Variants in TNFAIP8 observed in about 807,000 individuals in gnomAD.
TNFAIP8 encodes TNF alpha induced protein 8, also known as tumor necrosis factor alpha-induced protein 8.
In TNFAIP8, 7 loss-of-function variants were observed where a neutral mutation model predicts 13.3. The ratio of observed to expected loss-of-function variants is 0.52; its 90% CI spans 0.30 to 0.99. The LOEUF is 0.99. Ranked by LOEUF, TNFAIP8 falls within the 50% of genes least tolerant of loss-of-function variation. TNFAIP8 has a pLI of 0.07. For synonymous variants in TNFAIP8, 94 were observed against 87.6 expected (o/e 1.07, Z -0.41); for missense variants, 258 against 236.9 (o/e 1.09, Z -0.58).
At chr5:119,328,846 A>G (rs1469321969) in intron 1 of TNFAIP8, among the ~76,000 whole-genome samples, 1 of 152,236 alleles carries the variant, frequency 6.6e-6, no homozygotes, top group African/African-American at 2.4e-5. Flanking sequence ...TCAGTTTTAC[A>G]TGAGGTTTTG....
chr5:119,376,467 T>A (rs1032348315), intron 1 of TNFAIP8, among the ~76,000 whole-genome samples: 9 of 152,214 alleles, frequency 5.9e-5, no homozygotes, highest in African/African-American at 2.2e-4. Context: ...TTATTTCATA[T>A]GTAAGAGTAT....
chr5:119,386,086 C>G (rs1055043804), intron 1 of TNFAIP8, among the ~76,000 whole-genome samples: 2 of 151,920 alleles, frequency 1.3e-5, no homozygotes, highest in Admixed American at 6.6e-5. Flanking sequence ...AAATAAGTTG[C>G]CACAGAAAAA....
At chr5:119,327,912 C>G (rs1256984224) in intron 1 of TNFAIP8, among the ~76,000 whole-genome samples, 1 of 152,096 alleles carries the variant, frequency 6.6e-6, no homozygotes. Flanking sequence ...ATGTCCAACT[C>G]TAAGCTGTTA....
At chr5:119,369,420 A>G (rs1358436750) in intron 1 of TNFAIP8, among the ~76,000 whole-genome samples, 1 of 152,184 alleles carries the variant, frequency 6.6e-6, no homozygotes. Context: ...TGTAGTGCTC[A>G]AGACTCTTGG....
At chr5:119,328,784 T>C (rs1394505418) in intron 1 of TNFAIP8, among the ~76,000 whole-genome samples, 1 of 152,240 alleles carries the variant, frequency 6.6e-6, no homozygotes, top group Non-Finnish European at 1.5e-5. Context: ...ATAGTTTTTC[T>C]TGGCAAATTG....
At chr5:119,325,640 G>A (rs1007945660) in intron 1 of TNFAIP8, among the ~76,000 whole-genome samples, 1 of 152,128 alleles carries the variant, frequency 6.6e-6, no homozygotes, top group African/African-American at 2.4e-5. Context: ...AGTAGAGATG[G>A]GGTTTCACCA....
chr5:119,394,210 AAAGT>A lies in TNFAIP8; in HGVS notation c.*835_*838del, dbSNP rs1343830639. The A allele has an allele frequency of 5.9e-5, 9 of 152,076 alleles. No homozygotes were observed. The highest frequency in any genetic ancestry group is 9.7e-5 in the African/African-American group (4 of 41,296). 9.4% of individuals were successfully genotyped at this position (152,076 alleles called of 1,614,324 possible). On this transcript the variant is annotated 3_prime_UTR_variant, in exon 2 of 2. Coordinates refer to ENST00000504771, the MANE Select transcript of TNFAIP8 (RefSeq NM_014350.4). ...ATTGGTCTTGATATTGAGATAATAA[AAAGT>A]AAGTAGCATTAAGAAAGGTAACAAT... is the stretch of plus-strand genomic sequence containing the variant.
chr5:119,313,049 A>G (rs1749782419), intron 1 of TNFAIP8, among the ~76,000 whole-genome samples: 1 of 152,230 alleles, frequency 6.6e-6, no homozygotes, highest in Non-Finnish European at 1.5e-5. Flanking sequence ...GTTAAATTAT[A>G]TTAAAAGAAC....
intron 1 of TNFAIP8, among the ~76,000 whole-genome samples, chr5:119,318,856 A>G (rs1749974899): frequency 6.6e-6 from 1 of 152,154 alleles, no homozygotes; most frequent in African/African-American, 2.4e-5. Context: ...TTAGCCTATT[A>G]TAGGGTTATT....
chr5:119,322,502 C>T (rs1167460014), intron 1 of TNFAIP8, among the ~76,000 whole-genome samples: 1 of 152,180 alleles, frequency 6.6e-6, no homozygotes, highest in Non-Finnish European at 1.5e-5. Context: ...AATACACAGG[C>T]GTGGAGAAGT....
At position 119,378,299 on chromosome 5, in the gene TNFAIP8, G is replaced by A. The variant is rs183152639; in HGVS notation, c.32-14517G>A. On this transcript the variant is annotated intron_variant, in intron 1 of 1. Transcript: ENST00000504771. The stretch of plus-strand genomic sequence containing the variant: ...TGCTGTGCTGGTGGTGAGCAATACT[G>A]CTTCTATAGAACTCTGGGTTTTTTT... Among the ~76,000 whole-genome samples, 311 of 152,282 alleles carry A rather than the reference G, an allele frequency of 2.0e-3. 1 individual carries two copies. Among genetic ancestry groups the A allele is most frequent in the Middle Eastern group, 0.01 (3 of 294 alleles).
intron 1 of TNFAIP8, among the ~76,000 whole-genome samples, chr5:119,292,657 T>C (rs1332553683): frequency 1.0e-3 from 28 of 28,058 alleles, no homozygotes; most frequent in African/African-American, 3.7e-3. Context: ...TATATATATA[T>C]ATATATATAT....
chr5:119,392,414 A>G (rs1172603234), intron 1 of TNFAIP8, among the ~76,000 whole-genome samples: 2 of 151,860 alleles, frequency 1.3e-5, no homozygotes, highest in Non-Finnish European at 2.9e-5. Flanking sequence ...GTTTTGAGAC[A>G]GAGTCTCGCT....
chr5:119,376,562 A>ACCCCC (rs57215520), intron 1 of TNFAIP8, among the ~76,000 whole-genome samples: 1 of 129,274 alleles, frequency 7.7e-6, no homozygotes, highest in Non-Finnish European at 1.6e-5. Flanking sequence ...TTGTCTTCCC[A>ACCCCC]CCCCCCCCGT....
chr5:119,282,645 A>G (rs1748666410), intron 1 of TNFAIP8, among the ~76,000 whole-genome samples: 1 of 151,976 alleles, frequency 6.6e-6, no homozygotes, highest in African/African-American at 2.4e-5. Context: ...CTTTGTCTAC[A>G]CCCTGATCTG....
chr5:119,297,000 A>G (rs1374164497), intron 1 of TNFAIP8, among the ~76,000 whole-genome samples: 1 of 151,770 alleles, frequency 6.6e-6, no homozygotes, highest in Admixed American at 6.6e-5. Flanking sequence ...TATTGCGTCT[A>G]TTTGATTCTT....
chr5:119,323,686 G>T (rs1208488742), intron 1 of TNFAIP8, among the ~76,000 whole-genome samples: 1 of 152,180 alleles, frequency 6.6e-6, no homozygotes, highest in African/African-American at 2.4e-5. Context: ...TAGCAAATCA[G>T]TTGTAATCTG....
At chr5:119,297,401 T>G (rs1417809087) in intron 1 of TNFAIP8, among the ~76,000 whole-genome samples, 5 of 152,226 alleles carry the variant, frequency 3.3e-5, no homozygotes, top group Non-Finnish European at 7.3e-5. Context: ...TCAGTTTCCA[T>G]GTAGTTGAGC....
chr5:119,330,117 GAGTT>G (rs1249903224), intron 1 of TNFAIP8, among the ~76,000 whole-genome samples: 1 of 152,156 alleles, frequency 6.6e-6, no homozygotes, highest in African/African-American at 2.4e-5. Context: ...GCCATTGAAA[GAGTT>G]AGCATGGGCA....
Sources: allele counts gnomAD v4.1 joint callset (sites outside exome capture counted in the v4.1 genomes callset), GRCh38; gene constraint gnomAD v4.1.1; transcripts MANE v1.5; gene names NCBI Gene and HGNC (gene_info 2026-07-23, HGNC 2026-07-21).